CCDC171: variants seen among roughly 807,000 people sequenced by gnomAD.
CCDC171 encodes coiled-coil domain-containing protein 171.
CCDC171 carries 177 observed loss-of-function variants against 168.2 expected under a neutral mutation model. The observed-to-expected ratio is 1.05, with a 90% CI of 0.93 to 1.19. The LOEUF (loss-of-function observed/expected upper bound fraction) is 1.19, where lower values mean the gene tolerates loss of function less well. CCDC171 is among the 50% of genes most tolerant of loss of function. The probability of loss-of-function intolerance (pLI) is 0.00; values close to 1 mark genes in which losing one functional copy is unlikely to be tolerated. For synonymous variants in CCDC171, 687 were observed against 540.8 expected, an observed-to-expected ratio of 1.27 and a Z score of -3.75; for missense variants, 1,991 against 1,539.0, an observed-to-expected ratio of 1.29 and a Z score of -4.91.
At chr9:15,875,846 A>G (rs1817766920) in intron 24 of CCDC171, 1 of 152,076 alleles carries the variant, frequency 6.6e-6, no homozygotes. Context: ...AAGTAAGCAT[A>G]AAATATTTTT....
chr9:15,783,472 T>G (rs982364624), intron 20 of CCDC171, among the ~76,000 whole-genome samples: 12 of 152,310 alleles, frequency 7.9e-5, no homozygotes, highest in African/African-American at 2.9e-4. Context: ...CCTCACATCC[T>G]TTTTTACAAT....
chr9:15,879,579 G>T (rs991515353), intron 24 of CCDC171, among the ~76,000 whole-genome samples: 5 of 151,486 alleles, frequency 3.3e-5, no homozygotes, highest in African/African-American at 1.2e-4. Flanking sequence ...ACTTCTCTTG[G>T]GCCATACTAT....
At chr9:15,776,045 T>A (rs1398429721) in intron 18 of CCDC171, 1 of 152,238 alleles carries the variant, frequency 6.6e-6, no homozygotes, top group Non-Finnish European at 1.5e-5. Context: ...GTGGCCTATT[T>A]AATTCACATA....
At chr9:15,774,070 AC>A in intron 18 of CCDC171, among the ~76,000 whole-genome samples, 1 of 151,954 alleles carries the variant, frequency 6.6e-6, no homozygotes, top group East Asian at 1.9e-4. Flanking sequence ...ACGTGGTGAA[AC>A]CCTGTCTCTA....
Position 15,624,883 on chromosome 9 carries a change from G to A in CCDC171, c.822+1470G>A, listed in dbSNP as rs552092585. On this transcript the variant is annotated intron_variant, in intron 7 of 25. Transcript: ENST00000380701. ...TCTAGTTCTAGATCCTTGAAGAATC[G>A]CCTCACTGTCTTCCACCATGGTTAA... Among the ~76,000 whole-genome samples, 136 of 152,220 alleles carry A rather than the reference G, an allele frequency of 8.9e-4. 1 individual carries two copies. The highest frequency in any genetic ancestry group is 2.5e-3 in the African/African-American group (102 of 41,534).
intron 1 of CCDC171, among the ~76,000 whole-genome samples, chr9:16,057,179 G>GT (rs1442058412): frequency 6.6e-6 from 1 of 152,156 alleles, no homozygotes; most frequent in Non-Finnish European, 1.5e-5. Context: ...TGTGAGTAAT[G>GT]TTTTTTGAGG....
At chr9:15,967,197 G>A (rs940586813) in intron 25 of CCDC171, among the ~76,000 whole-genome samples, 7 of 152,168 alleles carry the variant, frequency 4.6e-5, no homozygotes, top group Non-Finnish European at 8.8e-5. Context: ...TCTGGTAAGA[G>A]CACGTTAGGA....
chr9:15,616,999 A>T (rs1041022146), intron 6 of CCDC171, among the ~76,000 whole-genome samples: 4 of 152,192 alleles, frequency 2.6e-5, no homozygotes, highest in African/African-American at 9.6e-5. Context: ...GGAAGCTTAC[A>T]ATAATGGTGG....
At chr9:15,705,209 A>AGG (rs1564250894) in intron 11 of CCDC171, among the ~76,000 whole-genome samples, 2 of 152,096 alleles carry the variant, frequency 1.3e-5, no homozygotes, top group Non-Finnish European at 2.9e-5. Flanking sequence ...ATGGATATCA[A>AGG]GTAATGAAGT....
In CCDC171 at chr9:15,764,723, G is replaced by C. The variant is rs554927743; in HGVS notation, c.2672-12877G>C. Among the ~76,000 whole-genome samples, 3 of 152,336 alleles carry C rather than the reference G, an allele frequency of 2.0e-5. 1 individual carries two copies. The South Asian group carries it at 6.2e-4, about 32-fold the overall frequency. On this transcript the variant is annotated intron_variant, in intron 18 of 25. Transcript: ENST00000380701. ...AATGTCAAGACAGATAAAATTGTAA[G>C]TGCTCTCAGTATAAGTGTTATTTAA...
At chr9:15,593,794 A>T (rs990877982) in intron 5 of CCDC171, among the ~76,000 whole-genome samples, 3 of 152,022 alleles carry the variant, frequency 2.0e-5, no homozygotes, top group African/African-American at 7.2e-5. Flanking sequence ...ATATATACAT[A>T]TTATATATAG....
At chr9:15,588,562 G>T in intron 4 of CCDC171, 1 of 343,492 alleles carries the variant, frequency 2.9e-6, no homozygotes, top group African/African-American at 2.2e-5. Context: ...AGGAAATGGA[G>T]ATGCCAAAAC....
chr9:15,662,966 G>A (rs1280731765), intron 8 of CCDC171, among the ~76,000 whole-genome samples: 3 of 147,078 alleles, frequency 2.0e-5, no homozygotes, highest in Non-Finnish European at 4.5e-5. Context: ...GGGGGACAAC[G>A]CGAGACTTCG....
chr9:15,795,848 C>T (rs1015392351), intron 21 of CCDC171, among the ~76,000 whole-genome samples: 2 of 152,142 alleles, frequency 1.3e-5, no homozygotes, highest in Admixed American at 1.3e-4. Flanking sequence ...TTAGTTTACA[C>T]CTTAATGATC....
chr9:16,048,178 C>T (rs912828918), intron 1 of CCDC171, among the ~76,000 whole-genome samples: 1 of 152,242 alleles, frequency 6.6e-6, no homozygotes, highest in Non-Finnish European at 1.5e-5. Flanking sequence ...TACTCAGTCC[C>T]TTGAGCTTCC....
At chr9:15,713,561 C>G (rs2052845371) in intron 11 of CCDC171, among the ~76,000 whole-genome samples, 2 of 152,188 alleles carry the variant, frequency 1.3e-5, no homozygotes, top group South Asian at 2.1e-4. Context: ...TGGGCACCCT[C>G]TAGTCACATG....
intron 3 of CCDC171, among the ~76,000 whole-genome samples, chr9:16,018,192 A>G (rs1833078458): frequency 6.6e-6 from 1 of 152,196 alleles, no homozygotes; most frequent in African/African-American, 2.4e-5. Context: ...CTATTAGATG[A>G]ATTGTCAATT....
At chr9:15,911,723 A>T (rs1255336903) in intron 24 of CCDC171, among the ~76,000 whole-genome samples, 1 of 152,176 alleles carries the variant, frequency 6.6e-6, no homozygotes, top group Non-Finnish European at 1.5e-5. Flanking sequence ...TAATTTTTGT[A>T]TAAGGTGTAA....
chr9:15,580,620 T>C (rs2041033774), intron 4 of CCDC171, among the ~76,000 whole-genome samples: 1 of 151,824 alleles, frequency 6.6e-6, no homozygotes, highest in South Asian at 2.1e-4. Flanking sequence ...CCAAAAAACA[T>C]ATGAAAAAAT....
Sources: gnomAD v4.1 joint callset for allele counts (sites outside exome capture counted in the v4.1 genomes callset) on GRCh38, gnomAD v4.1.1 for gene constraint, MANE v1.5 for transcripts, NCBI Gene and HGNC (gene_info 2026-07-23, HGNC 2026-07-21) for gene names.